The following LRRC8C variants were observed in gnomAD, a reference collection of about 807,000 sequenced individuals.
LRRC8C encodes the protein volume-regulated anion channel subunit LRRC8C.
Under a neutral mutation model 55.3 loss-of-function variants are expected in LRRC8C, and 20 were observed. The observed-to-expected ratio is 0.36, with a 90% confidence interval of 0.25 to 0.53. The LOEUF is 0.53. LRRC8C is among the 20% of genes least tolerant of loss of function. The pLI, the probability that LRRC8C is intolerant of heterozygous loss-of-function variation, is 0.92. For synonymous variants in LRRC8C, 376 were observed against 360.7 expected, an observed-to-expected ratio of 1.04 and a Z score of -0.48; for missense variants, 659 against 951.4, an observed-to-expected ratio of 0.69 and a Z score of 4.04.
intron 1 of LRRC8C, among the ~76,000 whole-genome samples, chr1:89,673,036 C>A (rs1657463746): frequency 6.6e-6 from 1 of 152,108 alleles, no homozygotes; most frequent in African/African-American, 2.4e-5. Context: ...ATTCCTAAGT[C>A]CTTCTTCAGA....
chr1:89,630,752 A>G (rs905717935), upstream of LRRC8C, among the ~76,000 whole-genome samples: 4 of 152,188 alleles, frequency 2.6e-5, no homozygotes, highest in African/African-American at 9.7e-5. Flanking sequence ...ACTCAAGTTG[A>G]CTGATTGCTA....
intron 1 of LRRC8C, 137 bp from the exon 2 acceptor site, chr1:89,686,333 T>G: frequency 1.2e-6 from 1 of 823,948 alleles, no homozygotes. Context: ...CAGTGGCTCA[T>G]CAAAACATTG....
chr1:89,618,139 GC>G, the LRRC8C span, among the ~76,000 whole-genome samples: 1 of 152,114 alleles, frequency 6.6e-6, no homozygotes, highest in Non-Finnish European at 1.5e-5. Flanking sequence ...GGTCAAGCTG[GC>G]CCAAAGTTTG....
intron 1 of LRRC8C, among the ~76,000 whole-genome samples, chr1:89,653,356 T>C (rs1055506167): frequency 5.9e-5 from 9 of 152,324 alleles, no homozygotes; most frequent in Admixed American, 5.2e-4. Context: ...ATGTCAGTGT[T>C]TAAGTTTTTG....
chr1:89,694,383 A>T (rs1170919432), intron 2 of LRRC8C, among the ~76,000 whole-genome samples: 2 of 152,134 alleles, frequency 1.3e-5, no homozygotes, highest in African/African-American at 4.8e-5. Context: ...GCATGGTAAC[A>T]TTCTACAGAT....
At chr1:89,682,038 G>A (rs754371235) in intron 1 of LRRC8C, among the ~76,000 whole-genome samples, 9 of 152,124 alleles carry the variant, frequency 5.9e-5, no homozygotes, top group Non-Finnish European at 1.2e-4. Context: ...TTAGCCAGGC[G>A]TGGTGGCAGG....
chr1:89,659,054 T>TGG (rs1657031751), intron 1 of LRRC8C, among the ~76,000 whole-genome samples: 1 of 88,868 alleles, frequency 1.1e-5, no homozygotes, highest in African/African-American at 4.5e-5. Context: ...CCAGGTTTTT[T>TGG]TTTTTTTTGT....
intron 1 of LRRC8C, among the ~76,000 whole-genome samples, chr1:89,684,032 AT>A (rs1413104279): frequency 6.6e-6 from 1 of 152,074 alleles, no homozygotes; most frequent in Non-Finnish European, 1.5e-5. Context: ...AAATATGGTT[AT>A]TTTTCATAAT....
intron 1 of LRRC8C, among the ~76,000 whole-genome samples, chr1:89,647,595 T>C (rs1047195067): frequency 3.3e-5 from 5 of 152,166 alleles, no homozygotes; most frequent in African/African-American, 1.2e-4. Flanking sequence ...TATATAACTT[T>C]TACTCTCTGG....
At chr1:89,695,490 G>T (rs1658149705) in intron 2 of LRRC8C, among the ~76,000 whole-genome samples, 1 of 152,206 alleles carries the variant, frequency 6.6e-6, no homozygotes, top group African/African-American at 2.4e-5. Flanking sequence ...TGTTATAGGT[G>T]ATAGATATTG....
intron 1 of LRRC8C, among the ~76,000 whole-genome samples, chr1:89,656,474 CAA>C (rs1656947074): frequency 6.6e-6 from 1 of 152,104 alleles, no homozygotes; most frequent in Admixed American, 6.5e-5. Flanking sequence ...TGAGTAAGCT[CAA>C]AGAGTCACAT....
intron 1 of LRRC8C, among the ~76,000 whole-genome samples, chr1:89,681,806 C>T (rs186722515): frequency 6.6e-6 from 1 of 152,246 alleles, no homozygotes; most frequent in East Asian, 1.9e-4. Flanking sequence ...ACAGCCAAAC[C>T]ATATCAATCT....
chr1:89,676,672 T>G (rs771403047), intron 1 of LRRC8C, among the ~76,000 whole-genome samples: 1 of 152,222 alleles, frequency 6.6e-6, no homozygotes, highest in Non-Finnish European at 1.5e-5. Context: ...GCTACTTTCT[T>G]GAAGATACAG....
At chr1:89,701,480 C>CA (rs398053212) in intron 2 of LRRC8C, among the ~76,000 whole-genome samples, 44,963 of 122,062 alleles carry the variant, frequency 0.37, 7,326 homozygotes, top group East Asian at 0.54. Context: ...GACTCCATCT[C>CA]AAAAAAAAAA....
At chr1:89,658,807 G>A (rs1657020393) in intron 1 of LRRC8C, among the ~76,000 whole-genome samples, 1 of 152,104 alleles carries the variant, frequency 6.6e-6, no homozygotes, top group African/African-American at 2.4e-5. Flanking sequence ...TAGCTATTGG[G>A]TGAAGTGTAG....
intron 1 of LRRC8C, among the ~76,000 whole-genome samples, chr1:89,676,028 T>G (rs1657538775): frequency 1.3e-5 from 2 of 152,148 alleles, no homozygotes; most frequent in Admixed American, 1.3e-4. Context: ...TGAATTTAAA[T>G]GTACTTGAAT....
intron 1 of LRRC8C, among the ~76,000 whole-genome samples, chr1:89,647,960 T>G (rs1656659027): frequency 6.6e-6 from 1 of 152,180 alleles, no homozygotes; most frequent in South Asian, 2.1e-4. Context: ...TTCCAGCTAC[T>G]CTGGAGGCTG....
At chr1:89,637,573 G>A (rs1009433451) in intron 1 of LRRC8C, among the ~76,000 whole-genome samples, 1 of 151,878 alleles carries the variant, frequency 6.6e-6, no homozygotes, top group Non-Finnish European at 1.5e-5. Flanking sequence ...GGTCATTCTT[G>A]GACTGTAAAA....
At chr1:89,643,587 ATAAG>A (rs1433283791) in intron 1 of LRRC8C, among the ~76,000 whole-genome samples, 1 of 152,240 alleles carries the variant, frequency 6.6e-6, no homozygotes, top group Non-Finnish European at 1.5e-5. Flanking sequence ...TATGATAAGA[ATAAG>A]TAAAGTTTAT....
Sources: gnomAD v4.1 joint callset for allele counts (sites outside exome capture counted in the v4.1 genomes callset) on GRCh38, gnomAD v4.1.1 for gene constraint, MANE v1.5 for transcripts, NCBI Gene and HGNC (gene_info 2026-07-23, HGNC 2026-07-21) for gene names.